Variants in COL23A1 observed in about 807,000 individuals in gnomAD.
COL23A1 encodes collagen type XXIII alpha 1 chain.
In COL23A1, 97 loss-of-function variants were observed where a neutral mutation model predicts 99.3. The observed-to-expected ratio is 0.98, with a 90% CI of 0.83 to 1.16. The LOEUF (loss-of-function observed/expected upper bound fraction) is 1.16. Ranked by LOEUF, COL23A1 falls within the 50% of genes most tolerant of loss-of-function variation. The probability of loss-of-function intolerance (pLI) is 0.00; values close to 1 mark genes in which losing one functional copy is unlikely to be tolerated. For missense variants in COL23A1, 762 were observed against 757.4 expected, an observed-to-expected ratio of 1.01 and a Z score of -0.07; for synonymous variants, 320 against 308.2, an observed-to-expected ratio of 1.04 and a Z score of -0.40.
intron 2 of COL23A1, among the ~76,000 whole-genome samples, chr5:178,400,191 C>A (rs1259013661): frequency 6.6e-6 from 1 of 151,864 alleles, no homozygotes; most frequent in African/African-American, 2.4e-5. Context: ...ACGGTGAAAC[C>A]CTGTCCCTAC....
intron 2 of COL23A1, among the ~76,000 whole-genome samples, chr5:178,455,763 G>A (rs977655120): frequency 8.5e-5 from 13 of 152,112 alleles, no homozygotes; most frequent in South Asian, 2.1e-4. Flanking sequence ...AGGTCAGAGC[G>A]GAGGACCAGC....
chr5:178,380,085 C>T (rs1033961670), intron 2 of COL23A1, among the ~76,000 whole-genome samples: 5 of 152,184 alleles, frequency 3.3e-5, no homozygotes, highest in Admixed American at 2.0e-4. Context: ...TTTTGTGAAC[C>T]GTGATGATCT....
chr5:178,245,002 T>C (rs1487795684), intron 25 of COL23A1, among the ~76,000 whole-genome samples: 1 of 147,974 alleles, frequency 6.8e-6, no homozygotes, highest in Non-Finnish European at 1.5e-5. Context: ...CATCCATCCA[T>C]CCATCCCTCC....
Position 178,457,361 on chromosome 5 carries a change from C to T in COL23A1, c.361+103321G>A, listed in dbSNP as rs889805081. Among the ~76,000 whole-genome samples the T allele has an allele frequency of 1.5e-4, 23 of 152,024 alleles. 1 individual carries two copies. Among genetic ancestry groups the T allele is most frequent in the Admixed American group, 1.5e-3 (23 of 15,260 alleles). ...CCCGAGTAGCTGGGACTACAAGTGC[C>T]CGCCACCACGCCCGGCTAATTTTTT... On this transcript the variant is annotated intron_variant, in intron 2 of 28. Coordinates refer to ENST00000390654, the MANE Select transcript of COL23A1 (RefSeq NM_173465.4).
chr5:178,519,849 G>C (rs1428495035), intron 2 of COL23A1, among the ~76,000 whole-genome samples: 1 of 152,222 alleles, frequency 6.6e-6, no homozygotes, highest in Non-Finnish European at 1.5e-5. Context: ...TGGTCAGATG[G>C]ATAGAGAGTT....
intron 2 of COL23A1, among the ~76,000 whole-genome samples, chr5:178,543,877 T>C (rs1181695830): frequency 6.6e-6 from 1 of 152,136 alleles, no homozygotes; most frequent in Non-Finnish European, 1.5e-5. Flanking sequence ...CTGGAGGCTG[T>C]AAGGCGCCTG....
intron 2 of COL23A1, among the ~76,000 whole-genome samples, chr5:178,427,899 A>T (rs539431446): frequency 6.6e-6 from 1 of 152,316 alleles, no homozygotes; most frequent in Non-Finnish European, 1.5e-5. Context: ...TTGTGTATTT[A>T]TCCAAACCCA....
chr5:178,576,947 T>C (rs959575834), intron 1 of COL23A1, among the ~76,000 whole-genome samples: 6 of 151,432 alleles, frequency 4.0e-5, no homozygotes, highest in African/African-American at 1.2e-4. Context: ...GGAGACGTCT[T>C]CCCCGCTGCG....
chr5:178,491,343 T>C (rs1757924928), intron 2 of COL23A1, among the ~76,000 whole-genome samples: 1 of 152,024 alleles, frequency 6.6e-6, no homozygotes, highest in Admixed American at 6.6e-5. Context: ...TGTCCTCCAT[T>C]ACGAACTGCC....
At chr5:178,478,119 C>A (rs565906708) in intron 2 of COL23A1, among the ~76,000 whole-genome samples, 46 of 152,274 alleles carry the variant, frequency 3.0e-4, no homozygotes, top group Non-Finnish European at 1.0e-4. Flanking sequence ...TTGAGCCAGA[C>A]AGTGCCTGCG....
chr5:178,559,176 G>A (rs1020937309), intron 2 of COL23A1, among the ~76,000 whole-genome samples: 3 of 152,150 alleles, frequency 2.0e-5, no homozygotes, highest in Non-Finnish European at 4.4e-5. Flanking sequence ...GTCCTATAAA[G>A]GCTAGCTCAA....
chr5:178,318,482 C>T (rs992081698), intron 2 of COL23A1, among the ~76,000 whole-genome samples: 2 of 152,218 alleles, frequency 1.3e-5, no homozygotes, highest in African/African-American at 4.8e-5. Flanking sequence ...AGCCCCTCAG[C>T]GTGCCTGAGA....
chr5:178,375,732 G>A (rs1283120104), intron 2 of COL23A1, among the ~76,000 whole-genome samples: 1 of 152,074 alleles, frequency 6.6e-6, no homozygotes, highest in African/African-American at 2.4e-5. Context: ...TTTTGAGACG[G>A]AGTCTGCCTC....
At position 178,474,714 on chromosome 5, in the gene COL23A1, G is replaced by A. The variant is rs1417053202; in HGVS notation, c.361+85968C>T. Among the ~76,000 whole-genome samples, 6 of 152,122 alleles carry A rather than the reference G, an allele frequency of 3.9e-5. No individual in the cohort carries two copies. In the East Asian group the frequency reaches 1.2e-3, roughly 29 times the overall value. On this transcript the variant is annotated intron_variant, in intron 2 of 28. Transcript: ENST00000390654. The stretch of plus-strand genomic sequence containing the variant: ...TTCCAGGCACCAGTTTAGGTACAGG[G>A]GATTCCAAAGCAAACAAAAGAAAAT...
chr5:178,239,730 C>T (rs1247297458), intron 27 of COL23A1, among the ~76,000 whole-genome samples: 6 of 88,524 alleles, frequency 6.8e-5, no homozygotes, highest in Non-Finnish European at 2.0e-5. Context: ...TGGGTCCTGC[C>T]GAGAGCCGTG....
At chr5:178,375,959 G>C (rs1339891888) in intron 2 of COL23A1, among the ~76,000 whole-genome samples, 1 of 152,094 alleles carries the variant, frequency 6.6e-6, no homozygotes, top group Non-Finnish European at 1.5e-5. Context: ...TGCCCGCCTC[G>C]GCCTCCAAAA....
At chr5:178,391,608 G>A (rs1244644227) in intron 2 of COL23A1, among the ~76,000 whole-genome samples, 2 of 152,174 alleles carry the variant, frequency 1.3e-5, no homozygotes, top group Non-Finnish European at 2.9e-5. Flanking sequence ...GGGGGAAACT[G>A]GAACCCTCAT....
At chr5:178,304,022 T>C (rs1437493402) in intron 3 of COL23A1, among the ~76,000 whole-genome samples, 1 of 152,164 alleles carries the variant, frequency 6.6e-6, no homozygotes, top group Non-Finnish European at 1.5e-5. Flanking sequence ...ATTCTCCAGC[T>C]AAGAAGCCAG....
At position 178,384,210 on chromosome 5, in the gene COL23A1, G is replaced by C. The variant is rs1763541136; in HGVS notation, c.362-77291C>G. On this transcript the variant is annotated intron_variant, in intron 2 of 28. Transcript: ENST00000390654. This position sits in a 1 kb window ranked among gnomAD's most constrained non-coding sequence, Gnocchi z 5.5. ...AGATAGTGACAACGAGAGCAGCGTG[G>C]AGCCAGACGCTGCTGCGAGCTGAGC... Among the ~76,000 whole-genome samples, 1 of 152,218 alleles carries C rather than the reference G, an allele frequency of 6.6e-6. No individual in the cohort carries two copies. The highest frequency in any genetic ancestry group is 6.5e-5 in the Admixed American group (1 of 15,288).
Sources: gnomAD v4.1 joint callset for allele counts (sites outside exome capture counted in the v4.1 genomes callset) on GRCh38, gnomAD v4.1.1 for gene constraint, Gnocchi (gnomAD v3.1) non-coding constraint, MANE v1.5 for transcripts, NCBI Gene and HGNC (gene_info 2026-07-23, HGNC 2026-07-21) for gene names.